Variants in C2orf76 observed in about 807,000 individuals in gnomAD.
C2orf76 encodes UPF0538 protein C2orf76.
C2orf76 carries 23 observed loss-of-function variants against 16.9 expected under a neutral mutation model. The ratio of observed to expected loss-of-function variants is 1.36; its 90% CI spans 0.98 to 1.93. The LOEUF is 1.93. Among genes scored for constraint, C2orf76 ranks in the 30% most tolerant of loss-of-function variants. The pLI, the probability that C2orf76 is intolerant of heterozygous loss-of-function variation, is 0.00. For synonymous variants in C2orf76, 48 were observed against 52.3 expected, an observed-to-expected ratio of 0.92 and a Z score of 0.35; for missense variants, 152 against 152.6, an observed-to-expected ratio of 1.00 and a Z score of 0.02.
intron 1 of C2orf76, among the ~76,000 whole-genome samples, chr2:119,349,760 C>G (rs1215648892): frequency 6.6e-6 from 1 of 152,126 alleles, no homozygotes; most frequent in Non-Finnish European, 1.5e-5. Flanking sequence ...CAGGCTGAGC[C>G]ATGGGCCCCC....
At chr2:119,312,354 C>A (rs1194590837) in intron 4 of C2orf76, among the ~76,000 whole-genome samples, 1 of 152,164 alleles carries the variant, frequency 6.6e-6, no homozygotes, top group Admixed American at 6.5e-5. Flanking sequence ...CTCAAGCAAT[C>A]CTCCCATCTC....
chr2:119,301,635 C>A (rs951831341), downstream of C2orf76, among the ~76,000 whole-genome samples: 1 of 152,148 alleles, frequency 6.6e-6, no homozygotes, highest in African/African-American at 2.4e-5. Flanking sequence ...TTAAATGCAG[C>A]CTGACTGAAA....
At chr2:119,295,185 AG>A in the C2orf76 span, among the ~76,000 whole-genome samples, 1 of 152,304 alleles carries the variant, frequency 6.6e-6, no homozygotes, top group Non-Finnish European at 1.5e-5. Context: ...AAGAGGCCCC[AG>A]GGTACAGGAA....
At chr2:119,322,404 TG>T (rs1253346150) in intron 2 of C2orf76, among the ~76,000 whole-genome samples, 1 of 152,062 alleles carries the variant, frequency 6.6e-6, no homozygotes, top group Non-Finnish European at 1.5e-5. Flanking sequence ...GATGGGGTTT[TG>T]TCATGTTGCC....
intron 2 of C2orf76, among the ~76,000 whole-genome samples, chr2:119,333,493 G>A (rs1459255388): frequency 1.3e-5 from 2 of 152,188 alleles, no homozygotes; most frequent in African/African-American, 4.8e-5. Flanking sequence ...CACCAATGAA[G>A]GCATAAACTG....
chr2:119,304,926 C>T (rs35605913), intron 5 of C2orf76, among the ~76,000 whole-genome samples: 29,779 of 152,088 alleles, frequency 0.2, 3,176 homozygotes, highest in Middle Eastern at 0.31. Context: ...CCCTTAAATT[C>T]CTGCTTCCCA....
intron 1 of C2orf76, among the ~76,000 whole-genome samples, chr2:119,343,681 C>T (rs957167106): frequency 1.3e-5 from 2 of 152,110 alleles, no homozygotes; most frequent in Admixed American, 6.5e-5. Context: ...GCCTGTAGTC[C>T]CAGCTACTCG....
intron 2 of C2orf76, among the ~76,000 whole-genome samples, chr2:119,335,276 G>C (rs1679811637): frequency 6.6e-6 from 1 of 152,074 alleles, no homozygotes. Context: ...AAGAAAGAAA[G>C]AAAGAACACT....
At chr2:119,308,356 TG>T (rs1246535958) in intron 5 of C2orf76, among the ~76,000 whole-genome samples, 2 of 152,196 alleles carry the variant, frequency 1.3e-5, no homozygotes, top group Non-Finnish European at 2.9e-5. Context: ...AAAACAATAA[TG>T]GGGTCGGGCA....
chr2:119,291,173 T>C, the C2orf76 span, among the ~76,000 whole-genome samples: 1 of 151,984 alleles, frequency 6.6e-6, no homozygotes, highest in Non-Finnish European at 1.5e-5. Context: ...AAAGGTGTCA[T>C]ACCGAGGAGA....
chr2:119,328,961 T>C (rs1011540594), intron 2 of C2orf76, among the ~76,000 whole-genome samples: 2 of 152,238 alleles, frequency 1.3e-5, no homozygotes, highest in African/African-American at 2.4e-5. Flanking sequence ...ACTGTCTAAT[T>C]TGAATCCTTT....
chr2:119,301,053 C>T (rs144040799), downstream of C2orf76, among the ~76,000 whole-genome samples: 3 of 148,160 alleles, frequency 2.0e-5, no homozygotes, highest in Non-Finnish European at 4.4e-5. Context: ...TTCTAAGACA[C>T]AGCTCAACTG....
intron 1 of C2orf76, among the ~76,000 whole-genome samples, chr2:119,349,395 T>G (rs72831210): frequency 0.019 from 2,861 of 152,278 alleles, 36 homozygotes; most frequent in South Asian, 0.054. Flanking sequence ...GCTAGGAACT[T>G]AGTTATACTC....
intron 1 of C2orf76, among the ~76,000 whole-genome samples, chr2:119,342,815 C>T (rs982960494): frequency 6.6e-6 from 1 of 151,654 alleles, no homozygotes; most frequent in Non-Finnish European, 1.5e-5. Context: ...GGCTGGAGTG[C>T]GGTGGTGCCA....
intron 1 of C2orf76, among the ~76,000 whole-genome samples, chr2:119,344,945 T>G (rs1680151782): frequency 6.6e-6 from 1 of 152,146 alleles, no homozygotes; most frequent in African/African-American, 2.4e-5. Context: ...TAAATGGCAT[T>G]GAGAAAACTA....
At chr2:119,319,587 C>T (rs1399275184) in intron 3 of C2orf76, among the ~76,000 whole-genome samples, 2 of 152,198 alleles carry the variant, frequency 1.3e-5, no homozygotes, top group Non-Finnish European at 2.9e-5. Context: ...TGTACAACAA[C>T]TACATTCTTG....
chr2:119,298,572 T>A (rs1678572396), downstream of C2orf76, among the ~76,000 whole-genome samples: 1 of 152,122 alleles, frequency 6.6e-6, no homozygotes, highest in Non-Finnish European at 1.5e-5. Flanking sequence ...TGCATATTCT[T>A]CTTCCAAATG....
At chr2:119,364,379 G>A (rs1221025400) in intron 1 of C2orf76, among the ~76,000 whole-genome samples, 1 of 152,182 alleles carries the variant, frequency 6.6e-6, no homozygotes, top group Non-Finnish European at 1.5e-5. Context: ...TTCCAAAGCT[G>A]GGAGTGGTAC....
At chr2:119,349,182 A>G (rs1680302147) in intron 1 of C2orf76, among the ~76,000 whole-genome samples, 1 of 152,184 alleles carries the variant, frequency 6.6e-6, no homozygotes, top group African/African-American at 2.4e-5. Context: ...ACTTTTTAAT[A>G]TTGTTTGATG....
Sources: allele counts gnomAD v4.1 joint callset (sites outside exome capture counted in the v4.1 genomes callset), GRCh38; gene constraint gnomAD v4.1.1; transcripts MANE v1.5; gene names NCBI Gene and HGNC (gene_info 2026-07-23, HGNC 2026-07-21).